The following ARHGAP15 variants were observed in gnomAD, a reference collection of about 807,000 sequenced individuals.
ARHGAP15 encodes the protein Rho GTPase activating protein 15, also known as rho GTPase-activating protein 15.
In ARHGAP15, 51 loss-of-function variants were observed where a neutral mutation model predicts 63.7. The ratio of observed to expected loss-of-function variants is 0.80; its 90% CI spans 0.64 to 1.01. ARHGAP15 has a LOEUF of 1.01. Among genes scored for constraint, ARHGAP15 ranks in the 50% least tolerant of loss-of-function variants. The pLI, the probability that ARHGAP15 is intolerant of heterozygous loss-of-function variation, is 0.00. For synonymous variants in ARHGAP15, 191 were observed against 193.8 expected (o/e 0.99, Z 0.12); for missense variants, 560 against 564.6 (o/e 0.99, Z 0.08).
At chr2:143,306,111 C>G (rs1316373378) in intron 6 of ARHGAP15, among the ~76,000 whole-genome samples, 1 of 152,094 alleles carries the variant, frequency 6.6e-6, no homozygotes. Flanking sequence ...GGAACAATCT[C>G]AGTAATATTA....
intron 6 of ARHGAP15, among the ~76,000 whole-genome samples, chr2:143,275,085 T>C (rs1187754177): frequency 6.6e-6 from 1 of 151,784 alleles, no homozygotes; most frequent in Non-Finnish European, 1.5e-5. Flanking sequence ...TTGAACCTGG[T>C]AGGCAGAGGT....
chr2:143,695,698 C>T (rs1273822942), intron 12 of ARHGAP15, among the ~76,000 whole-genome samples: 3 of 151,854 alleles, frequency 2.0e-5, no homozygotes, highest in Non-Finnish European at 2.9e-5. Flanking sequence ...TGAAACCCCA[C>T]CTCTACAAAA....
chr2:143,140,226 G>A (rs975759033), intron 1 of ARHGAP15, among the ~76,000 whole-genome samples: 2 of 152,084 alleles, frequency 1.3e-5, no homozygotes, highest in Admixed American at 6.6e-5. Context: ...ACAGCTGTGT[G>A]GGGGAGTATA....
intron 8 of ARHGAP15, chr2:143,471,953 T>C (rs1691597202): frequency 6.6e-6 from 1 of 152,208 alleles, no homozygotes; most frequent in Non-Finnish European, 1.5e-5. Context: ...TCTACTCCCT[T>C]ACCCCCAACC....
At chr2:143,631,938 GTTA>G (rs1274533511) in intron 12 of ARHGAP15, among the ~76,000 whole-genome samples, 2 of 151,970 alleles carry the variant, frequency 1.3e-5, no homozygotes, top group Non-Finnish European at 2.9e-5. Context: ...AGGCATTGCA[GTTA>G]TTATTTTTAG....
chr2:143,671,925 G>A (rs985571842), intron 12 of ARHGAP15, among the ~76,000 whole-genome samples: 8 of 152,068 alleles, frequency 5.3e-5, no homozygotes, highest in Admixed American at 5.2e-4. Flanking sequence ...CCTCTTATAA[G>A]CTGAAGATAA....
intron 6 of ARHGAP15, among the ~76,000 whole-genome samples, chr2:143,261,652 C>A (rs1467781887): frequency 3.9e-5 from 6 of 151,966 alleles, no homozygotes; most frequent in Admixed American, 3.3e-4. Context: ...CTGGCCGACC[C>A]TTTTCGTTCA....
At chr2:143,443,617 G>C (rs1273415462) in intron 8 of ARHGAP15, among the ~76,000 whole-genome samples, 1 of 152,076 alleles carries the variant, frequency 6.6e-6, no homozygotes, top group African/African-American at 2.4e-5. Flanking sequence ...TTTTTCACAG[G>C]TTGAGAGTTA....
rs143820946 is a variant in ARHGAP15, at chr2:143,186,468, T to C, written c.166-15666T>C. On this transcript the variant is annotated intron_variant, in intron 2 of 13. Coordinates refer to ENST00000295095, the MANE Select transcript of ARHGAP15 (RefSeq NM_018460.4). The stretch of plus-strand genomic sequence containing the variant: ...GTGACCAAAATCATTGGTTCCTAGG[T>C]ATGTTTTGCACCTGTTCATGTCCTG... Among the ~76,000 whole-genome samples, 330 of 152,316 alleles carry C rather than the reference T, an allele frequency of 2.2e-3. 6 individuals carry two copies. Among genetic ancestry groups the C allele is most frequent in the Admixed American group, 0.017 (256 of 15,302 alleles).
chr2:143,462,474 C>A (rs72853760), intron 8 of ARHGAP15, among the ~76,000 whole-genome samples: 1 of 152,310 alleles, frequency 6.6e-6, no homozygotes, highest in Non-Finnish European at 1.5e-5. Context: ...AGATACACCT[C>A]ACATTCCCAG....
At chr2:143,302,190 TG>T (rs1682938275) in intron 6 of ARHGAP15, among the ~76,000 whole-genome samples, 4 of 151,922 alleles carry the variant, frequency 2.6e-5, no homozygotes, top group Non-Finnish European at 5.9e-5. Context: ...GTCTATAGAT[TG>T]CATTCTTGGT....
chr2:143,517,180 C>T (rs564855216), intron 9 of ARHGAP15, among the ~76,000 whole-genome samples: 3 of 152,244 alleles, frequency 2.0e-5, no homozygotes, highest in South Asian at 4.1e-4. Flanking sequence ...ATCTCTTGAC[C>T]TCATGATCCG....
At chr2:143,220,326 G>A (rs1445100559) in intron 4 of ARHGAP15, among the ~76,000 whole-genome samples, 1 of 151,898 alleles carries the variant, frequency 6.6e-6, no homozygotes, top group African/African-American at 2.4e-5. Flanking sequence ...CCTTATGCGG[G>A]GATAAATGAG....
intron 10 of ARHGAP15, among the ~76,000 whole-genome samples, chr2:143,537,106 G>T (rs865863463): frequency 6.6e-6 from 1 of 152,120 alleles, no homozygotes; most frequent in Non-Finnish European, 1.5e-5. Flanking sequence ...GTTTTGATTT[G>T]CATTTCTCTG....
At chr2:143,339,287 C>CT (rs1209500776) in intron 6 of ARHGAP15, among the ~76,000 whole-genome samples, 1 of 152,148 alleles carries the variant, frequency 6.6e-6, no homozygotes, top group South Asian at 2.1e-4. Flanking sequence ...GGGCAAGTCT[C>CT]TTTTCTCTAC....
intron 11 of ARHGAP15, among the ~76,000 whole-genome samples, chr2:143,590,032 T>G (rs1697260995): frequency 6.6e-6 from 1 of 152,106 alleles, no homozygotes; most frequent in Non-Finnish European, 1.5e-5. Context: ...GTGAAGATAG[T>G]AAGGATTAAA....
At chr2:143,544,126 T>G (rs1395185973) in intron 10 of ARHGAP15, among the ~76,000 whole-genome samples, 1 of 152,168 alleles carries the variant, frequency 6.6e-6, no homozygotes, top group African/African-American at 2.4e-5. Flanking sequence ...TCTTTTCAGC[T>G]CTATTCCAGA....
At chr2:143,183,072 C>T (rs923259813) in intron 2 of ARHGAP15, among the ~76,000 whole-genome samples, 2 of 152,154 alleles carry the variant, frequency 1.3e-5, no homozygotes, top group South Asian at 4.1e-4. Flanking sequence ...CCTAGCACTT[C>T]GGCCTAACTG....
intron 6 of ARHGAP15, among the ~76,000 whole-genome samples, chr2:143,367,424 C>G (rs920323669): frequency 7.9e-5 from 12 of 151,998 alleles, no homozygotes; most frequent in African/African-American, 2.6e-4. Context: ...TATAATCCTC[C>G]CCATCCTGTT....
Sources: gnomAD v4.1 joint callset for allele counts (sites outside exome capture counted in the v4.1 genomes callset) on GRCh38, gnomAD v4.1.1 for gene constraint, MANE v1.5 for transcripts, NCBI Gene and HGNC (gene_info 2026-07-23, HGNC 2026-07-21) for gene names.